The following COG3 variants were observed in gnomAD, a reference collection of about 807,000 sequenced individuals.
The protein encoded by COG3 is component of oligomeric golgi complex 3.
In COG3, 32 loss-of-function variants were observed where a neutral mutation model predicts 114.1. That is an observed-to-expected ratio of 0.28 (90% CI 0.21 to 0.38). The LOEUF (loss-of-function observed/expected upper bound fraction) is 0.38. Among genes scored for constraint, COG3 ranks in the 10% least tolerant of loss-of-function variants. COG3 has a pLI of 1.00. For synonymous variants in COG3, 352 were observed against 365.7 expected, an observed-to-expected ratio of 0.96 and a Z score of 0.43; for missense variants, 813 against 973.2, an observed-to-expected ratio of 0.84 and a Z score of 2.19.
chr13:45,508,068 T>TAAAAAAAAAAAAAAAAAAAAAAAA (rs10571583), intron 14 of COG3, among the ~76,000 whole-genome samples: 1 of 32,258 alleles, frequency 3.1e-5, no homozygotes, highest in African/African-American at 1.3e-4. Flanking sequence ...AGGTCCAACC[T>TAAAAAAAAAAAAAAAAAAAAAAAA]AAAAAAAAAA....
At chr13:45,493,261 C>A in intron 11 of COG3, 86 bp from the exon 12 acceptor site, 1 of 1,070,082 alleles carries the variant, frequency 9.3e-7, no homozygotes, top group African/African-American at 1.6e-5. Context: ...TTCTTATTGA[C>A]TGGAAGAAAT....
At chr13:45,511,622 A>G (rs908434397) in intron 15 of COG3, 143 bp from the exon 16 acceptor site, 15 of 620,350 alleles carry the variant, frequency 2.4e-5, no homozygotes, top group Non-Finnish European at 3.7e-5. Context: ...GGGAATAGGA[A>G]ACCAGGAAGA....
intron 8 of COG3, among the ~76,000 whole-genome samples, chr13:45,490,266 A>G (rs920249463): frequency 6.6e-6 from 1 of 152,208 alleles, no homozygotes; most frequent in Non-Finnish European, 1.5e-5. Context: ...ACCCATAAAA[A>G]TACATACCTC....
Position 45,483,273 on chromosome 13 carries a change from A to G in COG3, c.761A>G (p.Gln254Arg). ...DYPIYLLKFK[Q>R]CLSKALHLMK... is the part of the protein sequence containing the mutation. ...CCCATATATTTGCTGAAGTTTAAAC[A>G]GTGTCTTTCTAAAGCTTTGCACCTC... Residue 254 changes from glutamine to arginine, a missense_variant, in exon 7 of 23, where the codon CAG becomes CGG. Physicochemically the swap from Gln to Arg is conservative, Grantham distance 43. Coordinates refer to ENST00000349995, the MANE Select transcript of COG3 (RefSeq NM_031431.4). 2 of 1,577,906 alleles carry G rather than the reference A, an allele frequency of 1.3e-6. No homozygotes were observed. Among genetic ancestry groups the G allele is most frequent in the Non-Finnish European group, 1.7e-6 (2 of 1,147,532 alleles).
chr13:45,483,447 GT>G, intron 7 of COG3, 92 bp downstream of exon 7: 1 of 1,027,792 alleles, frequency 9.7e-7, no homozygotes, highest in Middle Eastern at 2.7e-4. Flanking sequence ...TTAGTACTTT[GT>G]AATTCCAAAA....
chr13:45,519,229 A>C, intron 19 of COG3, 135 bp downstream of exon 19: 1 of 973,782 alleles, frequency 1.0e-6, no homozygotes, highest in Non-Finnish European at 1.5e-6. Flanking sequence ...CTAGGAAATC[A>C]CTGTGTTTCC....
intron 20 of COG3, among the ~76,000 whole-genome samples, chr13:45,525,393 A>C (rs1872567141): frequency 3.3e-5 from 5 of 152,172 alleles, no homozygotes; most frequent in Admixed American, 3.3e-4. Flanking sequence ...ATAGGAAGAA[A>C]TTATGGCGAG....
At chr13:45,480,071 G>A in intron 3 of COG3, 54 bp from the exon 4 acceptor site, 1 of 1,459,930 alleles carries the variant, frequency 6.8e-7, no homozygotes, top group Non-Finnish European at 9.3e-7. Flanking sequence ...TTTTTTTACT[G>A]TGCTTATTGG....
At chr13:45,508,386 T>TTATATATATATATATA (rs10571584) in intron 14 of COG3, among the ~76,000 whole-genome samples, 12 of 109,684 alleles carry the variant, frequency 1.1e-4, no homozygotes, top group African/African-American at 3.3e-4. Flanking sequence ...ATATATATTT[T>TTATATATATATATATA]TATATATATA....
chr13:45,486,096 G>A (rs1485643828), intron 7 of COG3, among the ~76,000 whole-genome samples: 1 of 130,720 alleles, frequency 7.6e-6, no homozygotes, highest in African/African-American at 3.5e-5. Flanking sequence ...GATCACTCGC[G>A]GTTAGGGGCT....
Position 45,511,823 on chromosome 13 carries a change from T to G in COG3, c.1778T>G (p.Leu593Arg). 6.2e-7 allele frequency: 1 copy of G among 1,614,036 alleles called. No individual in the cohort carries two copies. Among genetic ancestry groups the G allele is most frequent in the Non-Finnish European group, 8.5e-7 (1 of 1,179,908 alleles). ...TTGTCTGCCTGCATTCAGTCCTTACTTGGAGCGTCAGAGTCTATCAGCAAA... is the reference window on the plus strand; with the variant it reads ...TTGTCTGCCTGCATTCAGTCCTTACGTGGAGCGTCAGAGTCTATCAGCAAA... ...EALSACIQSL[L>R]GASESISKNK... Residue 593 changes from leucine (L) to arginine (R), a missense_variant, in exon 16 of 23, where the codon CTT (leucine) becomes CGT (arginine). Physicochemically the swap from Leu to Arg is moderately radical, Grantham distance 102. Transcript: ENST00000349995.
intron 8 of COG3, among the ~76,000 whole-genome samples, chr13:45,490,028 G>GA (rs1465616824): frequency 6.6e-6 from 1 of 151,878 alleles, no homozygotes; most frequent in Non-Finnish European, 1.5e-5. Flanking sequence ...CTAAATATTT[G>GA]AAAAAATAGT....
At position 45,525,794 on chromosome 13, in the gene COG3, G is replaced by A. The variant is rs201298129; in HGVS notation, c.2230+743G>A. Among the ~76,000 whole-genome samples the A allele has an allele frequency of 1.4e-4, 5 of 36,514 alleles. No homozygotes were observed. In the Admixed American group the frequency reaches 1.8e-3, roughly 13 times the overall value. 24.0% of individuals were successfully genotyped at this position (36,514 alleles called of 152,430 possible). On this transcript the variant is annotated intron_variant, in intron 20 of 22. Transcript: ENST00000349995. Reference sequence around the variant, plus strand: ...TTCTGGCCATTCTCTAGCCAATATTGTGATAGCCTTTGAAACTAAAATGGG... The same window carrying A: ...TTCTGGCCATTCTCTAGCCAATATTATGATAGCCTTTGAAACTAAAATGGG...
At chr13:45,511,644 A>G (rs1870876705) in intron 15 of COG3, 121 bp from the exon 16 acceptor site, 2 of 684,304 alleles carry the variant, frequency 2.9e-6, no homozygotes, top group Admixed American at 2.6e-5. Flanking sequence ...TAATACAAGT[A>G]GTAAATTAAT....
chr13:45,501,898 C>G (rs965633664), intron 13 of COG3, among the ~76,000 whole-genome samples: 1 of 152,212 alleles, frequency 6.6e-6, no homozygotes, highest in East Asian at 1.9e-4. Flanking sequence ...CCTAAACTTA[C>G]ATCTCTTCCT....
intron 7 of COG3, among the ~76,000 whole-genome samples, chr13:45,484,171 G>A (rs1886424002): frequency 1.3e-5 from 2 of 152,188 alleles, no homozygotes; most frequent in East Asian, 3.8e-4. Flanking sequence ...CAAAGCTTGT[G>A]ATGTTTGGCT....
At chr13:45,488,644 G>C (rs1343927685) in intron 8 of COG3, among the ~76,000 whole-genome samples, 3 of 151,942 alleles carry the variant, frequency 2.0e-5, no homozygotes, top group African/African-American at 7.3e-5. Flanking sequence ...GCATTGGTAG[G>C]ATATTTCATG....
In COG3 at chr13:45,474,148, A is replaced by ACT. The variant is rs1198531674; in HGVS notation, c.175-2050_175-2049dup. ...TTCCCACATCTTTGTTTTCTTTTTT[A>ACT]CTCTTTTTTTTTTTTTTTTTTTTTT... On this transcript the variant is annotated intron_variant, in intron 1 of 22. Transcript: ENST00000349995. Among the ~76,000 whole-genome samples, 194 of 94,314 alleles carry ACT rather than the reference A, an allele frequency of 2.1e-3. 2 individuals are homozygous for ACT. The highest frequency in any genetic ancestry group is 7.1e-3 in the African/African-American group (172 of 24,222). 61.9% of individuals were successfully genotyped at this position (94,314 alleles called of 152,430 possible). A position where few individuals can be genotyped will look rare whatever the true frequency, so the allele number is the denominator to read the frequency against.
Position 45,509,990 on chromosome 13 carries a change from G to A in COG3, c.1719+174G>A, listed in dbSNP as rs144683622. On this transcript the variant is annotated intron_variant, in intron 15 of 22. Transcript: ENST00000349995. ...GAATTTCTAACCTGAACTTTCTATA[G>A]AAACTTATAATTCAGTAATGGGCTT... Among the ~76,000 whole-genome samples the A allele has an allele frequency of 2.8e-4, 42 of 152,304 alleles. No individual in the cohort carries two copies. The East Asian group carries it at 7.5e-3, about 27-fold the overall frequency.
Sources: gnomAD v4.1 joint callset for allele counts (sites outside exome capture counted in the v4.1 genomes callset) on GRCh38, gnomAD v4.1.1 for gene constraint, MANE v1.5 for transcripts, NCBI Gene and HGNC (gene_info 2026-07-23, HGNC 2026-07-21) for gene names.